CCDC93: variants seen among roughly 807,000 people sequenced by gnomAD.
The protein encoded by CCDC93 is coiled-coil domain-containing protein 93.
CCDC93 carries 61 observed loss-of-function variants against 108.2 expected under a neutral mutation model. The ratio of observed to expected loss-of-function variants is 0.56; its 90% confidence interval spans 0.46 to 0.70. The LOEUF (loss-of-function observed/expected upper bound fraction) is 0.70. Among genes scored for constraint, CCDC93 ranks in the 30% least tolerant of loss-of-function variants. The pLI is 0.00. For missense variants in CCDC93, 685 were observed against 764.2 expected (o/e 0.90, Z 1.22); for synonymous variants, 276 against 260.4 (o/e 1.06, Z -0.58).
chr2:117,940,531 C>T (rs1402450524), intron 19 of CCDC93, among the ~76,000 whole-genome samples: 1 of 152,192 alleles, frequency 6.6e-6, no homozygotes, highest in South Asian at 2.1e-4. Flanking sequence ...AAGAAAGAGG[C>T]TCTATTCAGT....
At chr2:117,985,537 A>T in intron 7 of CCDC93, 20 of 235,144 alleles carry the variant, frequency 8.5e-5, no homozygotes, top group Non-Finnish European at 8.2e-5. Flanking sequence ...TTTTTTTTTT[A>T]AACTAGAGAT....
At chr2:117,980,015 G>A (rs569536251) in intron 7 of CCDC93, among the ~76,000 whole-genome samples, 1 of 152,354 alleles carries the variant, frequency 6.6e-6, no homozygotes, top group East Asian at 1.9e-4. Context: ...GGGGCTAGCA[G>A]CTATCACAGT....
chr2:117,978,947 G>A (rs564020104), intron 7 of CCDC93, among the ~76,000 whole-genome samples: 1 of 152,330 alleles, frequency 6.6e-6, no homozygotes, highest in Admixed American at 6.5e-5. Context: ...GGCAGAGGTT[G>A]CAGTGAGCCG....
At chr2:117,945,684 G>A in intron 16 of CCDC93, 102 bp from the exon 17 acceptor site, 1 of 926,238 alleles carries the variant, frequency 1.1e-6, no homozygotes, top group South Asian at 1.4e-5. Context: ...GGGCATAAGG[G>A]TGCAGCTGAG....
intron 14 of CCDC93, 45 bp from the exon 15 acceptor site, chr2:117,948,231 AT>A: frequency 7.0e-7 from 1 of 1,421,178 alleles, no homozygotes; most frequent in Non-Finnish European, 9.8e-7. Flanking sequence ...GGCCATTATG[AT>A]TTTATGAATC....
chr2:117,947,967 T>G, intron 15 of CCDC93, 138 bp downstream of exon 15: 4 of 686,176 alleles, frequency 5.8e-6, no homozygotes. Context: ...GTGCTGGGAT[T>G]ACAGGCATGA....
intron 4 of CCDC93, chr2:117,999,869 T>C (rs903004372): frequency 3.3e-5 from 5 of 152,344 alleles, no homozygotes; most frequent in African/African-American, 1.2e-4. Flanking sequence ...TTATTTTTTA[T>C]TGTGTTTCCC....
At chr2:117,960,797 A>G (rs1558783984) in intron 11 of CCDC93, among the ~76,000 whole-genome samples, 1 of 152,300 alleles carries the variant, frequency 6.6e-6, no homozygotes, top group East Asian at 1.9e-4. Context: ...TTTCACTCTC[A>G]TTCTCGTGAT....
chr2:117,993,438 C>CAA (rs35648657), intron 6 of CCDC93, among the ~76,000 whole-genome samples: 56,310 of 141,750 alleles, frequency 0.4, 11,471 homozygotes, highest in East Asian at 0.67. Context: ...CTTTTGTTAC[C>CAA]AAAAAAAAAA....
intron 7 of CCDC93, among the ~76,000 whole-genome samples, chr2:117,980,227 C>T (rs1217980709): frequency 6.6e-6 from 1 of 152,200 alleles, no homozygotes; most frequent in Non-Finnish European, 1.5e-5. Flanking sequence ...TCTCATCCAG[C>T]CCTGTAACCA....
At chr2:117,933,197 A>C (rs1005994428) in intron 22 of CCDC93, among the ~76,000 whole-genome samples, 3 of 152,222 alleles carry the variant, frequency 2.0e-5, no homozygotes, top group Non-Finnish European at 4.4e-5. Context: ...TTGTTACAAG[A>C]AGCTTGGGAC....
intron 11 of CCDC93, among the ~76,000 whole-genome samples, chr2:117,971,692 AG>A (rs1679767742): frequency 1.3e-5 from 2 of 152,204 alleles, no homozygotes; most frequent in African/African-American, 4.8e-5. Flanking sequence ...AAATGAACCA[AG>A]ATATGGCTTC....
intron 13 of CCDC93, chr2:117,950,424 A>G: frequency 1.0e-6 from 1 of 985,422 alleles, no homozygotes; most frequent in Non-Finnish European, 1.2e-6. Context: ...CAAAGCAGCC[A>G]ATCTCCTGGC....
chr2:117,978,932 C>T (rs942844755), intron 7 of CCDC93, among the ~76,000 whole-genome samples: 2 of 152,196 alleles, frequency 1.3e-5, no homozygotes, highest in South Asian at 4.1e-4. Flanking sequence ...CACTTGAACC[C>T]AGGAGGCAGA....
intron 1 of CCDC93, among the ~76,000 whole-genome samples, chr2:118,013,561 G>C (rs1048829052): frequency 5.3e-5 from 8 of 152,240 alleles, no homozygotes; most frequent in Non-Finnish European, 1.0e-4. Flanking sequence ...GAGCGGTCTC[G>C]TGACTCCAGC....
At chr2:117,928,475 A>T (rs1031221069) in intron 23 of CCDC93, among the ~76,000 whole-genome samples, 5 of 152,242 alleles carry the variant, frequency 3.3e-5, no homozygotes, top group African/African-American at 1.2e-4. Flanking sequence ...TTCTCAAAAG[A>T]AGACATTTAT....
chr2:117,986,872 T>C (rs544620907), intron 6 of CCDC93, among the ~76,000 whole-genome samples: 1 of 152,242 alleles, frequency 6.6e-6, no homozygotes, highest in South Asian at 2.1e-4. Flanking sequence ...TAAAACAGAC[T>C]TGCAGGGAGA....
chr2:117,949,794 GA>G, intron 13 of CCDC93: 2 of 985,190 alleles, frequency 2.0e-6, no homozygotes, highest in Non-Finnish European at 2.4e-6. Context: ...CTTGCCCTAA[GA>G]CCCCCAAACA....
intron 23 of CCDC93, 56 bp downstream of exon 23, chr2:117,930,981 T>A (rs1678305886): frequency 7.7e-6 from 9 of 1,168,138 alleles, no homozygotes; most frequent in Middle Eastern, 4.0e-4. Flanking sequence ...TGGCTACTTT[T>A]GAGGTGAACA....
Sources: allele counts gnomAD v4.1 joint callset (sites outside exome capture counted in the v4.1 genomes callset), GRCh38; gene constraint gnomAD v4.1.1; transcripts MANE v1.5; gene names NCBI Gene and HGNC (gene_info 2026-07-23, HGNC 2026-07-21).